ADAMTS2: variants seen among roughly 807,000 people sequenced by gnomAD.
The protein encoded by ADAMTS2 is A disintegrin and metalloproteinase with thrombospondin motifs 2.
Under a neutral mutation model 123.0 loss-of-function variants are expected in ADAMTS2, and 50 were observed. That is an observed-to-expected ratio of 0.41 (90% confidence interval 0.32 to 0.51). The LOEUF (loss-of-function observed/expected upper bound fraction) is 0.51. ADAMTS2 is among the 20% of genes least tolerant of loss of function. The pLI, the probability that ADAMTS2 is intolerant of heterozygous loss-of-function variation, is 0.35. For missense variants in ADAMTS2, 1,494 were observed against 1,705.2 expected (o/e 0.88, Z 2.18); for synonymous variants, 678 against 695.4 (o/e 0.98, Z 0.39).
intron 21 of ADAMTS2, chr5:179,121,114 C>G (rs1050001777): frequency 6.6e-6 from 1 of 152,258 alleles, no homozygotes; most frequent in Non-Finnish European, 1.5e-5. Flanking sequence ...GGAGTGTCCC[C>G]GCGCCCCTCC....
intron 3 of ADAMTS2, among the ~76,000 whole-genome samples, chr5:179,209,047 C>T (rs1036304874): frequency 1.3e-5 from 2 of 152,218 alleles, no homozygotes; most frequent in African/African-American, 4.8e-5. Flanking sequence ...ACAGGCACTC[C>T]CTCCCTGTGA....
In ADAMTS2 at chr5:179,162,929, A is replaced by G. The variant is rs4701065; in HGVS notation, c.976-4050T>C. 0.54 allele frequency among the ~76,000 whole-genome samples: 82,089 copies of G among 151,968 alleles called. 24,666 individuals carry two copies. Among genetic ancestry groups the G allele is most frequent in the African/African-American group, 0.83 (34,277 of 41,484 alleles). ...GCTGGCCCATGAAAGATGGCGTCTGATCTGGGGGCAGCTGATATGTTCTGG... is the reference window on the plus strand; with the variant it reads ...GCTGGCCCATGAAAGATGGCGTCTGGTCTGGGGGCAGCTGATATGTTCTGG... On this transcript the variant is annotated intron_variant, in intron 5 of 21. Transcript: ENST00000251582. This position sits in a 1 kb window ranked among gnomAD's most constrained non-coding sequence, Gnocchi z 5.1.
At chr5:179,206,828 G>A (rs892757685) in intron 4 of ADAMTS2, among the ~76,000 whole-genome samples, 1 of 152,236 alleles carries the variant, frequency 6.6e-6, no homozygotes, top group Non-Finnish European at 1.5e-5. Flanking sequence ...GGAATGAGGG[G>A]GAGGTGGTTC....
Position 179,122,766 on chromosome 5 carries a change from A to G in ADAMTS2, c.2966T>C (p.Val989Ala). Reference sequence around the variant, plus strand: ...CTCCTGGGTGCCGTTGCCACAGGTTACTGAGCACTGCAGGGGGAGAGTCGC... The same window carrying G: ...CTCCTGGGTGCCGTTGCCACAGGTTGCTGAGCACTGCAGGGGGAGAGTCGC... ...WRAGPWSQCS[V>A]TCGNGTQERP... The change falls in exon 20 of 22, where the codon GTA becomes GCA. Residue 989 changes from valine to alanine, a missense_variant. Around this residue, in one of 6 missense-constraint regions of ADAMTS2, gnomAD observed 953 missense variants for 1,124.7 expected, o/e 0.85. Transcript: ENST00000251582. 2.6e-6 allele frequency: 4 copies of G among 1,555,582 alleles called. No homozygotes were observed. The highest frequency in any genetic ancestry group is 3.5e-6 in the Non-Finnish European group (4 of 1,150,054).
chr5:179,327,533 A>C (rs1757347519), intron 2 of ADAMTS2, among the ~76,000 whole-genome samples: 1 of 152,168 alleles, frequency 6.6e-6, no homozygotes, highest in African/African-American at 2.4e-5. Flanking sequence ...AGCCTCCTTG[A>C]CTGAAAGGGA....
chr5:179,225,455 C>A lies in ADAMTS2; in HGVS notation c.689-17740G>T, dbSNP rs1466144561. 1.3e-5 allele frequency among the ~76,000 whole-genome samples: 2 copies of A among 152,186 alleles called. No individual in the cohort carries two copies. Among genetic ancestry groups the A allele is most frequent in the African/African-American group, 4.8e-5 (2 of 41,446 alleles). On this transcript the variant is annotated intron_variant, in intron 3 of 21. Coordinates refer to ENST00000251582, the MANE Select transcript of ADAMTS2 (RefSeq NM_014244.5). This position sits in a 1 kb window ranked among gnomAD's most constrained non-coding sequence, Gnocchi z 4.5. ...AGGACAGGCACTCTTGCCTTTGTGC[C>A]CAAATGTCACATTTCCCAAGACCAC...
chr5:179,218,729 T>C (rs1765058266), intron 3 of ADAMTS2, among the ~76,000 whole-genome samples: 1 of 152,132 alleles, frequency 6.6e-6, no homozygotes, highest in East Asian at 1.9e-4. Context: ...CTGACAGTTC[T>C]CTAAACTCCC....
chr5:179,159,681 C>T (rs1416008738), intron 5 of ADAMTS2, among the ~76,000 whole-genome samples: 2 of 152,160 alleles, frequency 1.3e-5, no homozygotes, highest in African/African-American at 2.4e-5. Context: ...TCAGCAGGCA[C>T]TCCCATTTAG....
intron 10 of ADAMTS2, chr5:179,150,815 G>A (rs1008677691): frequency 6.5e-6 from 1 of 153,388 alleles, no homozygotes; most frequent in African/African-American, 2.4e-5. Flanking sequence ...TTTTTGCAGG[G>A]ATGAAAAGCT....
At position 179,179,300 on chromosome 5, in the gene ADAMTS2, G is replaced by A. The variant is rs569686856; in HGVS notation, c.975+1772C>T. ...TTTCAAATGAATTGGATTTTTTTAG[G>A]TTTATAAATTCTGCTGCCCCCACCC... On this transcript the variant is annotated intron_variant, in intron 5 of 21. Coordinates refer to ENST00000251582, the MANE Select transcript of ADAMTS2 (RefSeq NM_014244.5). Among the ~76,000 whole-genome samples the A allele has an allele frequency of 5.3e-5, 8 of 151,094 alleles. No individual in the cohort carries two copies. The South Asian group carries it at 1.5e-3, about 28-fold the overall frequency.
At chr5:179,342,644 G>A (rs461882) in intron 2 of ADAMTS2, among the ~76,000 whole-genome samples, 2 of 152,216 alleles carry the variant, frequency 1.3e-5, no homozygotes, top group South Asian at 2.1e-4. Context: ...CCACTCACTC[G>A]GGGCAGGAGT....
intron 10 of ADAMTS2, among the ~76,000 whole-genome samples, chr5:179,142,107 C>G (rs1253733152): frequency 6.6e-6 from 1 of 152,158 alleles, no homozygotes; most frequent in African/African-American, 2.4e-5. Context: ...GAAGGCTTCA[C>G]AGCTCTCCCT....
intron 2 of ADAMTS2, among the ~76,000 whole-genome samples, chr5:179,327,908 CA>C (rs1757356301): frequency 6.6e-6 from 1 of 151,904 alleles, no homozygotes; most frequent in Admixed American, 6.5e-5. Flanking sequence ...CAAAAACATC[CA>C]AAAAAAGGAA....
intron 4 of ADAMTS2, among the ~76,000 whole-genome samples, chr5:179,203,144 ACCACCTCACC>A (rs1764605003): frequency 6.6e-6 from 1 of 152,170 alleles, no homozygotes; most frequent in South Asian, 2.1e-4. Context: ...TCAGCCTGCC[ACCACCTCACC>A]TCCTCCTCAG....
intron 2 of ADAMTS2, among the ~76,000 whole-genome samples, chr5:179,334,468 C>T (rs1031414947): frequency 2.0e-5 from 3 of 152,326 alleles, no homozygotes; most frequent in East Asian, 3.9e-4. Flanking sequence ...TCTTAGAAAA[C>T]GAGAATTCAG....
At chr5:179,218,444 T>G (rs1765052177) in intron 3 of ADAMTS2, among the ~76,000 whole-genome samples, 2 of 152,222 alleles carry the variant, frequency 1.3e-5, no homozygotes, top group Admixed American at 1.3e-4. Context: ...TTGGAGGCTC[T>G]GGGAAGCAGA....
At chr5:179,316,880 G>T in intron 2 of ADAMTS2, among the ~76,000 whole-genome samples, 1 of 152,184 alleles carries the variant, frequency 6.6e-6, no homozygotes, top group Admixed American at 6.5e-5. Flanking sequence ...GGTCAAGGTT[G>T]CAGGGAGCTA....
At chr5:179,139,562 C>T (rs1180227768) in intron 11 of ADAMTS2, among the ~76,000 whole-genome samples, 1 of 152,106 alleles carries the variant, frequency 6.6e-6, no homozygotes, top group Non-Finnish European at 1.5e-5. Context: ...TGAGAGACCA[C>T]CCCCGCTTAC....
chr5:179,281,154 G>A lies in ADAMTS2; in HGVS notation c.535-8090C>T, dbSNP rs192889660. 1.7e-3 allele frequency among the ~76,000 whole-genome samples: 266 copies of A among 152,292 alleles called. 1 individual carries two copies. Among genetic ancestry groups the A allele is most frequent in the Non-Finnish European group, 2.9e-3 (200 of 68,024 alleles). ...ATTACAGGCATAAGCCATGGCGCCCGGCCAGTTCAATGCTTTTTAATATAT... is the reference window on the plus strand; with the variant it reads ...ATTACAGGCATAAGCCATGGCGCCCAGCCAGTTCAATGCTTTTTAATATAT... On this transcript the variant is annotated intron_variant, in intron 2 of 21. Coordinates refer to ENST00000251582, the MANE Select transcript of ADAMTS2 (RefSeq NM_014244.5).
Sources: gnomAD v4.1 joint callset for allele counts (sites outside exome capture counted in the v4.1 genomes callset) on GRCh38, gnomAD v4.1.1 for gene constraint, gnomAD v4.1.1 regional missense constraint, Gnocchi (gnomAD v3.1) non-coding constraint, MANE v1.5 for transcripts, NCBI Gene and HGNC (gene_info 2026-07-23, HGNC 2026-07-21) for gene names.